Variants in PRKCB observed in about 807,000 individuals in gnomAD.
The protein encoded by PRKCB is protein kinase C beta, also known as protein kinase C beta type.
In PRKCB, 13 loss-of-function variants were observed where a neutral mutation model predicts 81.5. The observed-to-expected ratio is 0.16, with a 90% CI of 0.10 to 0.25. PRKCB has a LOEUF of 0.25. PRKCB is among the 10% of genes least tolerant of loss of function. PRKCB has a pLI of 1.00. For missense variants in PRKCB, 509 were observed against 875.7 expected (o/e 0.58, Z 5.29); for synonymous variants, 335 against 321.4 (o/e 1.04, Z -0.45).
intron 2 of PRKCB, among the ~76,000 whole-genome samples, chr16:23,981,903 C>T (rs1487372743): frequency 5.2e-5 from 3 of 57,402 alleles, no homozygotes; most frequent in Non-Finnish European, 7.0e-5. Flanking sequence ...CCTTCCCCTT[C>T]CCTTCCCCTT....
intron 2 of PRKCB, among the ~76,000 whole-genome samples, chr16:23,898,487 C>G (rs781136592): frequency 1.1e-4 from 16 of 151,998 alleles, no homozygotes; most frequent in Non-Finnish European, 1.9e-4. Context: ...GGGAGACAGA[C>G]AAGCAAATAA....
chr16:24,100,383 G>T (rs1186061847), intron 7 of PRKCB, among the ~76,000 whole-genome samples: 2 of 152,134 alleles, frequency 1.3e-5, no homozygotes, highest in Non-Finnish European at 2.9e-5. Context: ...CATCATTCTG[G>T]CTTTGTGCTG....
chr16:24,130,831 A>G (rs1025801774), intron 9 of PRKCB, among the ~76,000 whole-genome samples: 3 of 152,200 alleles, frequency 2.0e-5, no homozygotes, highest in Non-Finnish European at 2.9e-5. Context: ...TAGAGAAAAT[A>G]TAGCCACGTG....
At chr16:24,154,997 T>C in intron 10 of PRKCB, 140 bp downstream of exon 10, 1 of 1,045,472 alleles carries the variant, frequency 9.6e-7, no homozygotes, top group South Asian at 1.7e-5. Flanking sequence ...CCCAGGGAAG[T>C]CAGCTGAGAG....
At chr16:24,147,313 A>AAAAC (rs570096843) in intron 9 of PRKCB, among the ~76,000 whole-genome samples, 7 of 151,846 alleles carry the variant, frequency 4.6e-5, no homozygotes, top group Middle Eastern at 3.4e-3. Context: ...TCTCAAAAAA[A>AAAAC]AAAAAAAAAC....
intron 2 of PRKCB, among the ~76,000 whole-genome samples, chr16:23,981,403 G>T (rs1208683338): frequency 6.6e-6 from 1 of 151,754 alleles, no homozygotes; most frequent in Non-Finnish European, 1.5e-5. Context: ...CCTTTCTCAA[G>T]ATCCTTAATT....
intron 5 of PRKCB, among the ~76,000 whole-genome samples, chr16:24,087,468 G>C (rs1420535782): frequency 1.3e-5 from 2 of 152,142 alleles, no homozygotes; most frequent in Admixed American, 1.3e-4. Flanking sequence ...CACATCCTCA[G>C]GCTGAATATT....
intron 5 of PRKCB, among the ~76,000 whole-genome samples, chr16:24,072,490 T>G (rs1198680995): frequency 6.6e-6 from 1 of 152,114 alleles, no homozygotes; most frequent in African/African-American, 2.4e-5. Context: ...CCTCAAGTGA[T>G]CCTCCCACCT....
rs1015827733 is a variant in PRKCB, at chr16:24,124,001, C to A, written c.1065+20C>A. The A allele has an allele frequency of 6.2e-7, 1 of 1,613,408 alleles. No homozygotes were observed. Among genetic ancestry groups the A allele is most frequent in the Non-Finnish European group, 8.5e-7 (1 of 1,179,592 alleles). ...GGCAAGGTATGGTATGATTTGGTGG[C>A]TCCACCTGCTTTGGAAGGAACATCT... On this transcript the variant is annotated intron_variant, in intron 9 of 16. Transcript: ENST00000643927.
At chr16:24,132,099 G>A (rs1169295660) in intron 9 of PRKCB, among the ~76,000 whole-genome samples, 2 of 152,068 alleles carry the variant, frequency 1.3e-5, no homozygotes, top group African/African-American at 4.8e-5. Context: ...AGACAGCAAA[G>A]CTACTCTTTG....
Position 24,039,768 on chromosome 16 carries a change from G to A in PRKCB, c.529+4221G>A, listed in dbSNP as rs146761299. 1.8e-3 allele frequency among the ~76,000 whole-genome samples: 281 copies of A among 152,342 alleles called. 1 individual carries two copies. The highest frequency in any genetic ancestry group is 6.6e-3 in the African/African-American group (274 of 41,574). On this transcript the variant is annotated intron_variant, in intron 5 of 16. Transcript: ENST00000643927. ...GGATGGGTGCATTGGCCAGCATGGAGGGGAGCTGGGCAGGGTCCAACAGCA... is the reference window on the plus strand; with the variant it reads ...GGATGGGTGCATTGGCCAGCATGGAAGGGAGCTGGGCAGGGTCCAACAGCA...
chr16:24,074,583 C>T (rs1248956717), intron 5 of PRKCB, among the ~76,000 whole-genome samples: 1 of 152,076 alleles, frequency 6.6e-6, no homozygotes, highest in Non-Finnish European at 1.5e-5. Flanking sequence ...AACATTTTGG[C>T]TTACTAAAAA....
At chr16:23,849,939 T>C (rs1962444693) in intron 2 of PRKCB, among the ~76,000 whole-genome samples, 1 of 152,194 alleles carries the variant, frequency 6.6e-6, no homozygotes, top group Non-Finnish European at 1.5e-5. Flanking sequence ...TCCCCTTGTC[T>C]ATCTGAAACT....
At chr16:23,907,434 T>C (rs1002580326) in intron 2 of PRKCB, among the ~76,000 whole-genome samples, 2 of 152,230 alleles carry the variant, frequency 1.3e-5, no homozygotes, top group Non-Finnish European at 2.9e-5. Flanking sequence ...GCCCAGCTAA[T>C]TTTTTAGTTT....
intron 3 of PRKCB, among the ~76,000 whole-genome samples, chr16:23,990,167 C>CT (rs914679625): frequency 4.0e-5 from 6 of 151,094 alleles, no homozygotes; most frequent in East Asian, 1.9e-4. Context: ...GGAGAAGAAG[C>CT]TTTTTTTTTG....
intron 5 of PRKCB, among the ~76,000 whole-genome samples, chr16:24,084,638 T>C (rs1966290493): frequency 6.6e-6 from 1 of 152,154 alleles, no homozygotes; most frequent in Admixed American, 6.6e-5. Context: ...GGAAACCTCA[T>C]TAAATTCCCT....
intron 2 of PRKCB, chr16:23,869,051 C>T (rs1962857704): frequency 2.2e-6 from 1 of 447,276 alleles, no homozygotes; most frequent in Non-Finnish European, 4.5e-6. Context: ...ATTATTTGCT[C>T]CCACCTCATA....
intron 2 of PRKCB, among the ~76,000 whole-genome samples, chr16:23,967,011 C>CT (rs1468696542): frequency 2.3e-4 from 27 of 115,832 alleles, no homozygotes; most frequent in African/African-American, 7.8e-4. Context: ...CAGTGGTTTC[C>CT]ATTTTTTTTT....
intron 7 of PRKCB, among the ~76,000 whole-genome samples, chr16:24,104,239 A>G (rs1461509786): frequency 1.3e-5 from 2 of 152,220 alleles, no homozygotes; most frequent in South Asian, 2.1e-4. Flanking sequence ...CCTTATCTGT[A>G]TATGGCAATA....
Sources: gnomAD v4.1 joint callset for allele counts (sites outside exome capture counted in the v4.1 genomes callset) on GRCh38, gnomAD v4.1.1 for gene constraint, MANE v1.5 for transcripts, NCBI Gene and HGNC (gene_info 2026-07-23, HGNC 2026-07-21) for gene names.